ADGRL3: variants seen among roughly 807,000 people sequenced by gnomAD.
The protein encoded by ADGRL3 is adhesion G protein-coupled receptor L3, also known as calcium-independent alpha-latrotoxin receptor 3.
Under a neutral mutation model 153.5 loss-of-function variants are expected in ADGRL3, and 62 were observed. The ratio of observed to expected loss-of-function variants is 0.40; its 90% CI spans 0.33 to 0.50. The LOEUF is 0.50. Ranked by LOEUF, ADGRL3 falls within the 20% of genes least tolerant of loss-of-function variation. The probability of loss-of-function intolerance (pLI) is 0.47; values close to 1 mark genes in which losing one functional copy is unlikely to be tolerated. For missense variants in ADGRL3, 1,641 were observed against 1,859.4 expected (o/e 0.88, Z 2.16); for synonymous variants, 710 against 672.5 (o/e 1.06, Z -0.86).
At chr4:61,213,366 C>A (rs1741043565) in intron 1 of ADGRL3, among the ~76,000 whole-genome samples, 2 of 152,088 alleles carry the variant, frequency 1.3e-5, no homozygotes, top group Non-Finnish European at 1.5e-5. Flanking sequence ...CGTGCTTTTT[C>A]CATTCTACTT....
intron 19 of ADGRL3, among the ~76,000 whole-genome samples, chr4:61,994,119 T>C (rs2099113472): frequency 6.6e-6 from 1 of 152,196 alleles, no homozygotes; most frequent in Non-Finnish European, 1.5e-5. Context: ...TTTAACTTAA[T>C]AGAAGAAGGC....
At chr4:61,693,711 G>T (rs1262847527) in intron 6 of ADGRL3, among the ~76,000 whole-genome samples, 1 of 152,118 alleles carries the variant, frequency 6.6e-6, no homozygotes, top group African/African-American at 2.4e-5. Flanking sequence ...TTGCCTTCTT[G>T]CAGTCAAATG....
chr4:61,319,316 A>C (rs796163825), intron 1 of ADGRL3, among the ~76,000 whole-genome samples: 14 of 152,344 alleles, frequency 9.2e-5, no homozygotes, highest in African/African-American at 3.4e-4. Flanking sequence ...TCACTAAGTA[A>C]TTTGAAAAAT....
intron 4 of ADGRL3, among the ~76,000 whole-genome samples, chr4:61,554,455 C>T (rs1209851790): frequency 1.3e-5 from 2 of 152,084 alleles, no homozygotes; most frequent in African/African-American, 2.4e-5. Flanking sequence ...CTCGGCCTCC[C>T]AAAGTGCTGG....
At position 61,432,716 on chromosome 4, in the gene ADGRL3, C is replaced by T. The variant is rs534052667; in HGVS notation, c.-174+49527C>T. Among the ~76,000 whole-genome samples, 13 of 145,226 alleles carry T rather than the reference C, an allele frequency of 9.0e-5. 1 individual carries two copies. The highest frequency in any genetic ancestry group is 3.8e-3 in the Middle Eastern group (1 of 266). On this transcript the variant is annotated intron_variant, in intron 2 of 26. Transcript: ENST00000683033. ...TTGCCCAGGCTGGACTGTAATAGAGCGATCTCGGCGCACCGCAACCTCTGC... is the reference window on the plus strand; with the variant it reads ...TTGCCCAGGCTGGACTGTAATAGAGTGATCTCGGCGCACCGCAACCTCTGC...
intron 5 of ADGRL3, among the ~76,000 whole-genome samples, chr4:61,657,512 A>T (rs1263204874): frequency 6.6e-6 from 1 of 152,118 alleles, no homozygotes; most frequent in Non-Finnish European, 1.5e-5. Flanking sequence ...TCACATAGGT[A>T]TTGTTCTCTC....
intron 1 of ADGRL3, among the ~76,000 whole-genome samples, chr4:61,376,433 T>G (rs2151830098): frequency 6.6e-6 from 1 of 152,148 alleles, no homozygotes; most frequent in East Asian, 1.9e-4. Flanking sequence ...TATTTCTTAA[T>G]CAGAGAAAGA....
chr4:61,519,181 A>T (rs2098515395), intron 4 of ADGRL3, among the ~76,000 whole-genome samples: 1 of 152,224 alleles, frequency 6.6e-6, no homozygotes, highest in Admixed American at 6.5e-5. Flanking sequence ...TCAGAATATC[A>T]ATTAGAATCA....
intron 17 of ADGRL3, among the ~76,000 whole-genome samples, chr4:61,977,707 A>G (rs1197179189): frequency 6.6e-6 from 1 of 152,228 alleles, no homozygotes; most frequent in East Asian, 1.9e-4. Flanking sequence ...TTCCACATCC[A>G]GAAAAATCTT....
chr4:61,430,228 G>C lies in ADGRL3; in HGVS notation c.-174+47039G>C, dbSNP rs114790735. Among the ~76,000 whole-genome samples the C allele has an allele frequency of 3.1e-3, 475 of 152,244 alleles. 6 individuals carry two copies. Among genetic ancestry groups the C allele is most frequent in the African/African-American group, 0.011 (453 of 41,568 alleles). On this transcript the variant is annotated intron_variant, in intron 2 of 26. Coordinates refer to ENST00000683033, the MANE Select transcript of ADGRL3 (RefSeq NM_001387552.1). The stretch of plus-strand genomic sequence containing the variant: ...GCTACATATTTCTAAATGTAAATGG[G>C]ATTGGAAGAGAATCAACCAACCTTG...
Position 62,024,957 on chromosome 4 carries a change from T to C in ADGRL3, c.3396-3898T>C, listed in dbSNP as rs1717595964. ...AAAAAAAAAAAAAAAAAATTCTGAA[T>C]GCCTTTTATTTTTATTCTTCCTATA... On this transcript the variant is annotated intron_variant, in intron 21 of 26. Coordinates refer to ENST00000683033, the MANE Select transcript of ADGRL3 (RefSeq NM_001387552.1). 3.4e-5 allele frequency among the ~76,000 whole-genome samples: 5 copies of C among 148,336 alleles called. No homozygotes were observed. In the South Asian group the frequency reaches 1.1e-3, roughly 32 times the overall value.
intron 2 of ADGRL3, among the ~76,000 whole-genome samples, chr4:61,383,572 C>T (rs2096699094): frequency 6.6e-6 from 1 of 151,538 alleles, no homozygotes; most frequent in Non-Finnish European, 1.5e-5. Context: ...GAGTTTTTTT[C>T]AGTTGCTACA....
At chr4:61,286,734 T>G (rs190910626) in intron 1 of ADGRL3, among the ~76,000 whole-genome samples, 142 of 151,830 alleles carry the variant, frequency 9.4e-4, no homozygotes, top group African/African-American at 3.2e-3. Context: ...TTCATTGATA[T>G]TTTGAAAAAA....
intron 6 of ADGRL3, among the ~76,000 whole-genome samples, chr4:61,694,189 T>C (rs1011220410): frequency 4.3e-4 from 8 of 18,732 alleles, no homozygotes; most frequent in African/African-American, 1.9e-3. Flanking sequence ...ATTTTTTTTT[T>C]TTTTTTTTTT....
intron 1 of ADGRL3, among the ~76,000 whole-genome samples, chr4:61,295,652 A>T (rs934995131): frequency 3.5e-4 from 53 of 152,142 alleles, no homozygotes; most frequent in African/African-American, 1.2e-3. Flanking sequence ...AATACTTAGG[A>T]ATTTTTAAAA....
chr4:61,931,886 T>C (rs1560392831), intron 13 of ADGRL3, among the ~76,000 whole-genome samples: 1 of 152,202 alleles, frequency 6.6e-6, no homozygotes, highest in Non-Finnish European at 1.5e-5. Context: ...CTAAGATAAA[T>C]TAATAAATGG....
At chr4:61,325,123 C>T (rs1195586929) in intron 1 of ADGRL3, among the ~76,000 whole-genome samples, 1 of 151,938 alleles carries the variant, frequency 6.6e-6, no homozygotes, top group Non-Finnish European at 1.5e-5. Context: ...ACCATCCTGG[C>T]CCACATGGTG....
At chr4:62,011,112 C>A (rs973486892) in intron 21 of ADGRL3, among the ~76,000 whole-genome samples, 1 of 152,072 alleles carries the variant, frequency 6.6e-6, no homozygotes, top group African/African-American at 2.4e-5. Context: ...TGGAACTGTA[C>A]ATTCAAAAAT....
intron 2 of ADGRL3, among the ~76,000 whole-genome samples, chr4:61,415,984 A>G (rs189894656): frequency 4.4e-4 from 67 of 152,192 alleles, no homozygotes; most frequent in African/African-American, 1.5e-3. Context: ...TTAAAAGGCT[A>G]CCTTTTTCTC....
Sources: gnomAD v4.1 joint callset for allele counts (sites outside exome capture counted in the v4.1 genomes callset) on GRCh38, gnomAD v4.1.1 for gene constraint, MANE v1.5 for transcripts, NCBI Gene and HGNC (gene_info 2026-07-23, HGNC 2026-07-21) for gene names.